Variants in ZBTB16 observed in about 807,000 individuals in gnomAD.
ZBTB16 encodes zinc finger and BTB domain-containing protein 16.
In ZBTB16, 8 loss-of-function variants were observed where a neutral mutation model predicts 56.8. The observed-to-expected ratio is 0.14, with a 90% CI of 0.08 to 0.25. The LOEUF (loss-of-function observed/expected upper bound fraction) is 0.25, where lower values mean the gene tolerates loss of function less well. ZBTB16 is among the 10% of genes least tolerant of loss of function. The probability of loss-of-function intolerance (pLI) is 1.00; values close to 1 mark genes in which losing one functional copy is unlikely to be tolerated. For synonymous variants in ZBTB16, 363 were observed against 368.5 expected (o/e 0.98, Z 0.17); for missense variants, 625 against 903.0 (o/e 0.69, Z 3.95).
chr11:114,246,510 G>A lies in ZBTB16; in HGVS notation c.1625-688G>A, dbSNP rs138554059. Among the ~76,000 whole-genome samples the A allele has an allele frequency of 6.0e-3, 907 of 152,250 alleles. 5 individuals carry two copies. The highest frequency in any genetic ancestry group is 0.02 in the African/African-American group (834 of 41,546). The stretch of plus-strand genomic sequence containing the variant: ...CAGGAAATGTAGCCCATTTTAATGC[G>A]AAAGTGGCATAAAAATGATACCACA... On this transcript the variant is annotated intron_variant, in intron 5 of 6. Transcript: ENST00000335953.
In ZBTB16 at chr11:114,064,114, G is replaced by A. The variant is rs1939011952; in HGVS notation, c.814G>A (p.Val272Ile). The change falls in exon 2 of 7, where the codon GTT becomes ATT. Residue 272 changes from valine to isoleucine, a missense_variant. Val to Ile is a conservative substitution (Grantham distance 29, BLOSUM62 3). Coordinates refer to ENST00000335953, the MANE Select transcript of ZBTB16 (RefSeq NM_006006.6). This position sits in a 1 kb window ranked among gnomAD's most constrained non-coding sequence, Gnocchi z 4.2. Reference protein sequence around the residue: ...SSISGGMGDKVEERGKEGPGT... With the variant: ...SSISGGMGDKIEERGKEGPGT... ...CATCTCAGGAGGGATGGGGGACAAGGTTGAGGAAAGAGGCAAAGAGGGGCC... is the reference window on the plus strand; with the variant it reads ...CATCTCAGGAGGGATGGGGGACAAGATTGAGGAAAGAGGCAAAGAGGGGCC... 1.2e-6 allele frequency: 2 copies of A among 1,613,828 alleles called. No homozygotes were observed. Among genetic ancestry groups the A allele is most frequent in the South Asian group, 1.1e-5 (1 of 91,084 alleles).
At chr11:114,068,110 G>T (rs1939192293) in intron 2 of ZBTB16, among the ~76,000 whole-genome samples, 1 of 150,342 alleles carries the variant, frequency 6.7e-6, no homozygotes, top group East Asian at 2.0e-4. Flanking sequence ...AGGAAGCCAT[G>T]GCATTCACTG....
chr11:114,101,101 C>G (rs1940594118), intron 2 of ZBTB16, among the ~76,000 whole-genome samples: 2 of 152,044 alleles, frequency 1.3e-5, no homozygotes, highest in Non-Finnish European at 2.9e-5. Context: ...CTCTCCCTGG[C>G]TCAAGCAATT....
intron 2 of ZBTB16, among the ~76,000 whole-genome samples, chr11:114,105,967 T>A (rs912232547): frequency 1.3e-5 from 2 of 152,248 alleles, no homozygotes; most frequent in Non-Finnish European, 2.9e-5. Flanking sequence ...GTCCATTTAA[T>A]TAACTCAAGA....
At chr11:114,190,745 A>G (rs1943472317) in intron 4 of ZBTB16, among the ~76,000 whole-genome samples, 1 of 149,412 alleles carries the variant, frequency 6.7e-6, no homozygotes, top group Non-Finnish European at 1.5e-5. Flanking sequence ...ACACACACAC[A>G]CACACACACA....
intron 4 of ZBTB16, among the ~76,000 whole-genome samples, chr11:114,193,184 C>T (rs1943538563): frequency 1.3e-5 from 2 of 152,212 alleles, no homozygotes; most frequent in African/African-American, 4.8e-5. Context: ...CGAGTGCCCC[C>T]TGCTGATGTT....
chr11:114,252,993 G>A lies in ZBTB16; in HGVS notation c.*2438G>A, dbSNP rs531730779. Reference sequence around the variant, plus strand: ...GGAAAAGAAGTTAAACTTGAAATACGTGACTAGAACAGTTGTCATGTTTAT... The same window carrying A: ...GGAAAAGAAGTTAAACTTGAAATACATGACTAGAACAGTTGTCATGTTTAT... On this transcript the variant is annotated 3_prime_UTR_variant, in exon 7 of 7. Coordinates refer to ENST00000335953, the MANE Select transcript of ZBTB16 (RefSeq NM_006006.6). Among the ~76,000 whole-genome samples the A allele has an allele frequency of 1.3e-5, 2 of 152,262 alleles. No homozygotes were observed. The highest frequency in any genetic ancestry group is 2.1e-4 in the South Asian group (1 of 4,818).
intron 2 of ZBTB16, among the ~76,000 whole-genome samples, chr11:114,130,453 A>G (rs1318392314): frequency 6.6e-6 from 1 of 152,220 alleles, no homozygotes; most frequent in Non-Finnish European, 1.5e-5. Flanking sequence ...GCTGTGCCCC[A>G]AGGGCATGAC....
At position 114,247,210 on chromosome 11, in the gene ZBTB16, A is replaced by G; in HGVS notation, c.1637A>G (p.Tyr546Cys). 6.2e-7 allele frequency: 1 copy of G among 1,614,240 alleles called. No homozygotes were observed. Among genetic ancestry groups the G allele is most frequent in the Non-Finnish European group, 8.5e-7 (1 of 1,180,048 alleles). The change falls in exon 6 of 7, where the codon TAC (tyrosine) becomes TGC (cysteine). Residue 546 changes from tyrosine (Y) to cysteine (C), a missense_variant. This residue lies in a region of ZBTB16 where 140 missense variants were observed against 214.8 expected (regional missense o/e 0.65). Transcript: ENST00000335953. ...HLRSHTGDHP[Y>C]ECEFCGSCFR... The stretch of plus-strand genomic sequence containing the variant: ...CTTGTCTCCACAGGCGACCACCCCT[A>G]CGAGTGTGAGTTCTGTGGCAGCTGC...
intron 4 of ZBTB16, among the ~76,000 whole-genome samples, chr11:114,215,359 C>T (rs181569375): frequency 2.0e-3 from 297 of 152,246 alleles, no homozygotes; most frequent in Non-Finnish European, 2.3e-3. Flanking sequence ...GGATCAGGCT[C>T]GGGTTCTTCA....
intron 4 of ZBTB16, among the ~76,000 whole-genome samples, chr11:114,189,938 A>G (rs552899732): frequency 6.6e-6 from 1 of 152,330 alleles, no homozygotes; most frequent in South Asian, 2.1e-4. Flanking sequence ...ATGTCTATCA[A>G]CTGGTGAATG....
chr11:114,092,318 C>T (rs1005179984), intron 2 of ZBTB16, among the ~76,000 whole-genome samples: 5 of 152,152 alleles, frequency 3.3e-5, no homozygotes, highest in East Asian at 1.9e-4. Context: ...GTGTGGGAGC[C>T]GCCTCTAGGA....
At chr11:114,155,672 A>G (rs1942392016) in intron 2 of ZBTB16, among the ~76,000 whole-genome samples, 1 of 151,754 alleles carries the variant, frequency 6.6e-6, no homozygotes, top group South Asian at 2.1e-4. Context: ...GTTTCTTGAA[A>G]CTCTGCTTTC....
rs942829677 is a variant in ZBTB16, at chr11:114,067,201, G to A, written c.1268+2633G>A. Among the ~76,000 whole-genome samples, 3 of 152,176 alleles carry A rather than the reference G, an allele frequency of 2.0e-5. No homozygotes were observed. In the East Asian group the frequency reaches 5.8e-4, roughly 29 times the overall value. On this transcript the variant is annotated intron_variant, in intron 2 of 6. Transcript: ENST00000335953. ...GTGGAGAACTGACCATCTGTCCCTTGTGTTGTTTAGGCCTCATCTCTGCAT... is the reference window on the plus strand; with the variant it reads ...GTGGAGAACTGACCATCTGTCCCTTATGTTGTTTAGGCCTCATCTCTGCAT...
At chr11:114,204,629 C>T (rs1385193993) in intron 4 of ZBTB16, among the ~76,000 whole-genome samples, 1 of 152,160 alleles carries the variant, frequency 6.6e-6, no homozygotes, top group African/African-American at 2.4e-5. Flanking sequence ...AGGGACCAGA[C>T]CCTGTATCCA....
intron 2 of ZBTB16, among the ~76,000 whole-genome samples, chr11:114,087,713 G>T (rs1940011191): frequency 6.6e-6 from 1 of 152,118 alleles, no homozygotes; most frequent in East Asian, 1.9e-4. Context: ...CCCTGCAGTG[G>T]CTCACTATGG....
chr11:114,144,915 G>T (rs1334670702), intron 2 of ZBTB16, among the ~76,000 whole-genome samples: 1 of 152,204 alleles, frequency 6.6e-6, no homozygotes, highest in Non-Finnish European at 1.5e-5. Flanking sequence ...GAGGGTAGGG[G>T]TTGAAATCAC....
At chr11:114,210,781 TAAAGG>T (rs1943983902) in intron 4 of ZBTB16, 1 of 218,170 alleles carries the variant, frequency 4.6e-6, no homozygotes, top group African/African-American at 2.2e-5. Flanking sequence ...TAAGGTGGGT[TAAAGG>T]ACAGAGATGA....
At chr11:114,191,970 T>A (rs71486249) in intron 4 of ZBTB16, among the ~76,000 whole-genome samples, 8,367 of 152,300 alleles carry the variant, frequency 0.055, 362 homozygotes, top group Admixed American at 0.11. Context: ...GAGAGTGTTG[T>A]CATGTAACAA....
Sources: gnomAD v4.1 joint callset for allele counts (sites outside exome capture counted in the v4.1 genomes callset) on GRCh38, gnomAD v4.1.1 for gene constraint, gnomAD v4.1.1 regional missense constraint, Gnocchi (gnomAD v3.1) non-coding constraint, MANE v1.5 for transcripts, NCBI Gene and HGNC (gene_info 2026-07-23, HGNC 2026-07-21) for gene names.